MAGI1: variants seen among roughly 807,000 people sequenced by gnomAD.
MAGI1 encodes membrane-associated guanylate kinase, WW and PDZ domain-containing protein 1.
Under a neutral mutation model 139.9 loss-of-function variants are expected in MAGI1, and 58 were observed. That is an observed-to-expected ratio of 0.41 (90% CI 0.34 to 0.52). The LOEUF (loss-of-function observed/expected upper bound fraction) is 0.52. Ranked by LOEUF, MAGI1 falls within the 20% of genes least tolerant of loss-of-function variation. MAGI1 has a pLI of 0.12. For synonymous variants in MAGI1, 812 were observed against 737.9 expected (o/e 1.10, Z -1.63); for missense variants, 1,874 against 1,901.6 (o/e 0.99, Z 0.27).
Position 65,462,054 on chromosome 3 carries a change from C to T in MAGI1, c.959+8229G>A, listed in dbSNP as rs184538145. On this transcript the variant is annotated intron_variant, in intron 5 of 22. Transcript: ENST00000402939. ...AATGGATAGATTCCAAACATGTTCT[C>T]CCATTCTGTAGGTTGCCCATTCACT... 4.6e-3 allele frequency among the ~76,000 whole-genome samples: 704 copies of T among 152,238 alleles called. 3 individuals carry two copies. The highest frequency in any genetic ancestry group is 0.016 in the African/African-American group (668 of 41,540).
intron 12 of MAGI1, among the ~76,000 whole-genome samples, chr3:65,427,891 T>C (rs1947173260): frequency 1.3e-5 from 2 of 152,294 alleles, no homozygotes; most frequent in African/African-American, 2.4e-5. Flanking sequence ...TCCTACTACA[T>C]ACATCTTGGC....
rs1945689056 is a variant in MAGI1, at chr3:65,410,299, A to G, written c.2168-8829T>C. On this transcript the variant is annotated intron_variant, in intron 12 of 22. Coordinates refer to ENST00000402939, the MANE Select transcript of MAGI1 (RefSeq NM_001033057.2). ...AGTATTCAGAGCCTGTCTTTGACATAAATTTATTCTTCGTACCTGCACTCT... is the reference window on the plus strand; with the variant it reads ...AGTATTCAGAGCCTGTCTTTGACATGAATTTATTCTTCGTACCTGCACTCT... Among the ~76,000 whole-genome samples, 3 of 152,218 alleles carry G rather than the reference A, an allele frequency of 2.0e-5. No homozygotes were observed. In the South Asian group the frequency reaches 6.2e-4, roughly 32 times the overall value.
At chr3:65,516,853 G>A (rs982529793) in intron 2 of MAGI1, among the ~76,000 whole-genome samples, 14 of 147,252 alleles carry the variant, frequency 9.5e-5, no homozygotes, top group Admixed American at 4.1e-4. Flanking sequence ...TCAGCCTCCC[G>A]AGTAGCTGGG....
At position 65,428,246 on chromosome 3, in the gene MAGI1, C is replaced by T. The variant is rs1007340717; in HGVS notation, c.2167+1274G>A. On this transcript the variant is annotated intron_variant, in intron 12 of 22. Coordinates refer to ENST00000402939, the MANE Select transcript of MAGI1 (RefSeq NM_001033057.2). ...TTTCAAAAGGCCTGAATATGTTGTTCATGAAACAAATCATGGTAGCAAGGA... is the reference window on the plus strand; with the variant it reads ...TTTCAAAAGGCCTGAATATGTTGTTTATGAAACAAATCATGGTAGCAAGGA... Among the ~76,000 whole-genome samples, 9 of 152,146 alleles carry T rather than the reference C, an allele frequency of 5.9e-5. No individual in the cohort carries two copies. In the South Asian group the frequency reaches 8.3e-4, roughly 14 times the overall value.
chr3:65,937,475 G>C (rs1203425800), intron 1 of MAGI1, among the ~76,000 whole-genome samples: 1 of 152,098 alleles, frequency 6.6e-6, no homozygotes, highest in Non-Finnish European at 1.5e-5. Context: ...CAGAGAAAGA[G>C]AGAGGTTGTG....
intron 14 of MAGI1, among the ~76,000 whole-genome samples, chr3:65,386,247 GAA>G (rs4016249): frequency 0.77 from 112,593 of 145,814 alleles, 44,486 homozygotes; most frequent in African/African-American, 0.83. Context: ...AGGCCACATG[GAA>G]AAAAAAAAAA....
intron 13 of MAGI1, among the ~76,000 whole-genome samples, chr3:65,395,730 G>C (rs1186196643): frequency 6.6e-6 from 1 of 151,470 alleles, no homozygotes; most frequent in Non-Finnish European, 1.5e-5. Context: ...TGGCCTGAGA[G>C]GAACTGGGAG....
chr3:65,409,722 A>T (rs1258505464), intron 12 of MAGI1, among the ~76,000 whole-genome samples: 6 of 152,146 alleles, frequency 3.9e-5, no homozygotes, highest in Non-Finnish European at 4.4e-5. Context: ...TGCCAAGAAC[A>T]TAAGTATCAG....
rs555186167 is a variant in MAGI1, at chr3:65,364,165, TAAAAAAAAAAAAAAAA to T, written c.3351+484_3351+499del. On this transcript the variant is annotated intron_variant, in intron 20 of 22. Transcript: ENST00000402939. ...GCAGCACAGTGAGACCCCTGTCTCT[TAAAAAAAAAAAAAAAA>T]AAAAAAAAAAAGGAATCTGTTTAAT... Among the ~76,000 whole-genome samples the T allele has an allele frequency of 3.5e-3, 316 of 89,448 alleles. 4 individuals carry two copies. Among genetic ancestry groups the T allele is most frequent in the Middle Eastern group, 0.013 (2 of 154 alleles). The allele number at this position is 89,448 out of a possible 152,430, so 58.7% of individuals were successfully genotyped here. A position where few individuals can be genotyped will look rare whatever the true frequency, so the allele number is the denominator to read the frequency against.
At chr3:65,700,360 T>A (rs1322958926) in intron 1 of MAGI1, among the ~76,000 whole-genome samples, 1 of 152,026 alleles carries the variant, frequency 6.6e-6, no homozygotes, top group African/African-American at 2.4e-5. Context: ...GAGAACTGCT[T>A]GAACCGGGAC....
At chr3:65,700,467 AAAT>A (rs1207332892) in intron 1 of MAGI1, among the ~76,000 whole-genome samples, 1 of 152,000 alleles carries the variant, frequency 6.6e-6, no homozygotes, top group Non-Finnish European at 1.5e-5. Flanking sequence ...ATAAATAAAT[AAAT>A]AATAATAATA....
intron 1 of MAGI1, among the ~76,000 whole-genome samples, chr3:65,806,866 G>C (rs1350347826): frequency 6.6e-6 from 1 of 152,140 alleles, no homozygotes; most frequent in Non-Finnish European, 1.5e-5. Context: ...CCTTGAAGAG[G>C]GGAGGGAGGA....
At chr3:65,555,213 C>A (rs936069045) in intron 2 of MAGI1, among the ~76,000 whole-genome samples, 1 of 152,092 alleles carries the variant, frequency 6.6e-6, no homozygotes, top group Non-Finnish European at 1.5e-5. Context: ...AAAGGCCCAC[C>A]CATGCTAGGC....
chr3:65,777,642 C>CAAAACCAAAAAAAAAAAAAA (rs2038564540), intron 1 of MAGI1, among the ~76,000 whole-genome samples: 1 of 117,106 alleles, frequency 8.5e-6, no homozygotes, highest in Non-Finnish European at 1.7e-5. Context: ...ACTCTTATCA[C>CAAAACCAAAAAAAAAAAAAA]AAAAAAAAAA....
At chr3:65,689,634 T>C (rs56906752) in intron 1 of MAGI1, among the ~76,000 whole-genome samples, 20,186 of 152,106 alleles carry the variant, frequency 0.13, 2,095 homozygotes, top group East Asian at 0.43. Flanking sequence ...TGGTTACAGT[T>C]ACATCGTCTG....
intron 1 of MAGI1, among the ~76,000 whole-genome samples, chr3:65,982,487 T>C (rs1307214562): frequency 6.6e-6 from 1 of 152,184 alleles, no homozygotes; most frequent in East Asian, 1.9e-4. Context: ...CCATGGTGCA[T>C]TTAAAAAGGG....
At chr3:65,841,437 TTTTG>T (rs2058801772) in intron 1 of MAGI1, among the ~76,000 whole-genome samples, 1 of 115,662 alleles carries the variant, frequency 8.6e-6, no homozygotes, top group Admixed American at 1.1e-4. Flanking sequence ...TGCTTTTTGT[TTTTG>T]TTTTTGTTTT....
intron 1 of MAGI1, among the ~76,000 whole-genome samples, chr3:65,951,834 G>A (rs1191788404): frequency 6.6e-6 from 1 of 152,170 alleles, no homozygotes; most frequent in African/African-American, 2.4e-5. Context: ...AATAAAATAT[G>A]TAAGAGTCCA....
intron 12 of MAGI1, among the ~76,000 whole-genome samples, chr3:65,418,330 A>G (rs1454940570): frequency 1.3e-5 from 2 of 152,214 alleles, no homozygotes; most frequent in Non-Finnish European, 2.9e-5. Context: ...TGCACAAACA[A>G]TATCCTCAGT....
Sources: allele counts gnomAD v4.1 joint callset (sites outside exome capture counted in the v4.1 genomes callset), GRCh38; gene constraint gnomAD v4.1.1; transcripts MANE v1.5; gene names NCBI Gene and HGNC (gene_info 2026-07-23, HGNC 2026-07-21).